The following LRRC20 variants were observed in gnomAD, a reference collection of about 807,000 sequenced individuals.
The protein encoded by LRRC20 is leucine-rich repeat-containing protein 20.
LRRC20 carries 11 observed loss-of-function variants against 14.4 expected under a neutral mutation model. The observed-to-expected ratio is 0.77, with a 90% CI of 0.48 to 1.27. The LOEUF (loss-of-function observed/expected upper bound fraction) is 1.27. LRRC20 is among the 50% of genes most tolerant of loss of function. The pLI, the probability that LRRC20 is intolerant of heterozygous loss-of-function variation, is 0.00. For missense variants in LRRC20, 219 were observed against 251.2 expected (o/e 0.87, Z 0.87); for synonymous variants, 121 against 107.3 (o/e 1.13, Z -0.79).
chr10:70,350,457 C>T (rs769811335), intron 2 of LRRC20, among the ~76,000 whole-genome samples: 9 of 152,204 alleles, frequency 5.9e-5, no homozygotes, highest in Non-Finnish European at 1.0e-4. Flanking sequence ...AAGCTTATCT[C>T]GTTAATTCTA....
chr10:70,358,079 C>A (rs895411628), intron 2 of LRRC20, among the ~76,000 whole-genome samples: 6 of 152,248 alleles, frequency 3.9e-5, no homozygotes, highest in Non-Finnish European at 7.3e-5. Context: ...AGTTTGACAT[C>A]TTCTTGAGAA....
At chr10:70,366,214 G>C (rs1021961117) in intron 2 of LRRC20, among the ~76,000 whole-genome samples, 2 of 152,012 alleles carry the variant, frequency 1.3e-5, no homozygotes, top group African/African-American at 4.8e-5. Flanking sequence ...CCTGAGGTCA[G>C]GAGTTCAAGA....
At chr10:70,358,280 AAAC>A (rs1185283597) in intron 2 of LRRC20, among the ~76,000 whole-genome samples, 1 of 152,208 alleles carries the variant, frequency 6.6e-6, no homozygotes, top group African/African-American at 2.4e-5. Context: ...ATGAGATGCC[AAAC>A]AACGCAATCC....
At chr10:70,348,331 C>T (rs1843155932) in intron 2 of LRRC20, among the ~76,000 whole-genome samples, 1 of 152,188 alleles carries the variant, frequency 6.6e-6, no homozygotes, top group Admixed American at 6.5e-5. Context: ...GAACAGTTCT[C>T]CATGGTCCCG....
chr10:70,358,324 G>A (rs1843604363), intron 2 of LRRC20, among the ~76,000 whole-genome samples: 1 of 152,222 alleles, frequency 6.6e-6, no homozygotes, highest in African/African-American at 2.4e-5. Context: ...CGAGGGGGCA[G>A]CAGATGGAAG....
intron 2 of LRRC20, among the ~76,000 whole-genome samples, chr10:70,372,429 G>A (rs918259423): frequency 6.9e-6 from 1 of 144,146 alleles, no homozygotes; most frequent in African/African-American, 2.5e-5. Context: ...ATGAGAATGT[G>A]CCAATCCTTC....
chr10:70,303,599 C>T (rs114155035), intron 4 of LRRC20, among the ~76,000 whole-genome samples: 2,044 of 152,284 alleles, frequency 0.013, 48 homozygotes, highest in African/African-American at 0.046. Context: ...GATACTAGGG[C>T]ATTTTCCAAC....
intron 4 of LRRC20, 107 bp from the exon 5 acceptor site, chr10:70,301,615 T>G: frequency 1.5e-5 from 20 of 1,343,590 alleles, no homozygotes; most frequent in South Asian, 2.7e-5. Flanking sequence ...GGGGCAGCTC[T>G]CCATTGCCCA....
intron 2 of LRRC20, among the ~76,000 whole-genome samples, chr10:70,345,797 T>A (rs1424662183): frequency 1.3e-5 from 2 of 152,194 alleles, no homozygotes; most frequent in Non-Finnish European, 2.9e-5. Context: ...GGAAATGGTA[T>A]CCTGCTTTAA....
intron 2 of LRRC20, among the ~76,000 whole-genome samples, chr10:70,373,940 T>G (rs1844403655): frequency 6.6e-6 from 1 of 152,194 alleles, no homozygotes; most frequent in Admixed American, 6.5e-5. Flanking sequence ...CTAGCCGCCC[T>G]GCACACTTCA....
intron 4 of LRRC20, among the ~76,000 whole-genome samples, chr10:70,306,348 C>G (rs1841426383): frequency 6.6e-6 from 1 of 152,132 alleles, no homozygotes; most frequent in Admixed American, 6.5e-5. Context: ...CAGCACTTCC[C>G]CCTCTAGTAC....
intron 4 of LRRC20, among the ~76,000 whole-genome samples, chr10:70,312,232 A>G (rs1272031198): frequency 6.6e-6 from 1 of 152,162 alleles, no homozygotes; most frequent in East Asian, 1.9e-4. Flanking sequence ...CCTGGACACA[A>G]AAACAACCAA....
At position 70,378,773 on chromosome 10, in the gene LRRC20, CAAAAAAAA is replaced by C. The variant is rs58126984; in HGVS notation, c.-63-2185_-63-2178del. Among the ~76,000 whole-genome samples, 83 of 67,438 alleles carry C rather than the reference CAAAAAAAA, an allele frequency of 1.2e-3. 1 individual carries two copies. The East Asian group carries it at 0.021, about 17-fold the overall frequency. 44.2% of individuals were successfully genotyped at this position (67,438 alleles called of 152,430 possible). A position where few individuals can be genotyped will look rare whatever the true frequency, so the allele number is the denominator to read the frequency against. ...GGCAACAAAGAGTGAACCTCGCGCT[CAAAAAAAA>C]AAAAAAAAAAAAAAATTAGCCAGGC... On this transcript the variant is annotated intron_variant, in intron 1 of 4. Coordinates refer to ENST00000446961, the MANE Select transcript of LRRC20 (RefSeq NM_001278212.2).
At chr10:70,326,919 A>G (rs986442963) in intron 3 of LRRC20, among the ~76,000 whole-genome samples, 10 of 152,186 alleles carry the variant, frequency 6.6e-5, no homozygotes, top group Non-Finnish European at 1.5e-4. Context: ...TCAGCCTCCC[A>G]AAGTGCTGGG....
intron 2 of LRRC20, among the ~76,000 whole-genome samples, chr10:70,347,464 C>T (rs1025835813): frequency 1.3e-5 from 2 of 152,132 alleles, no homozygotes; most frequent in African/African-American, 4.8e-5. Flanking sequence ...ATTCCGACCA[C>T]CTGGGCCATC....
intron 2 of LRRC20, among the ~76,000 whole-genome samples, chr10:70,372,659 G>A (rs922795321): frequency 1.8e-4 from 28 of 151,918 alleles, no homozygotes; most frequent in Admixed American, 5.2e-4. Flanking sequence ...AGCCAGGATG[G>A]TTTCGATCTC....
chr10:70,313,326 A>G (rs1841738236), intron 4 of LRRC20, among the ~76,000 whole-genome samples: 1 of 152,150 alleles, frequency 6.6e-6, no homozygotes, highest in South Asian at 2.1e-4. Flanking sequence ...CTCTGGGAAG[A>G]GCCTCAGGAA....
intron 3 of LRRC20, among the ~76,000 whole-genome samples, chr10:70,335,794 C>T (rs927828926): frequency 6.6e-6 from 1 of 152,224 alleles, no homozygotes; most frequent in Admixed American, 6.5e-5. Context: ...CCAAACATAA[C>T]TTTCACTGTC....
At chr10:70,316,232 A>C (rs1424928412) in intron 4 of LRRC20, among the ~76,000 whole-genome samples, 1 of 152,170 alleles carries the variant, frequency 6.6e-6, no homozygotes, top group African/African-American at 2.4e-5. Context: ...TCCTGGGTTC[A>C]AGCAATTTTC....
Sources: allele counts gnomAD v4.1 joint callset (sites outside exome capture counted in the v4.1 genomes callset), GRCh38; gene constraint gnomAD v4.1.1; transcripts MANE v1.5; gene names NCBI Gene and HGNC (gene_info 2026-07-23, HGNC 2026-07-21).